Variants in PPFIA2 observed in about 807,000 individuals in gnomAD.
The protein encoded by PPFIA2 is PPFI scaffold protein A2.
PPFIA2 carries 46 observed loss-of-function variants against 175.5 expected under a neutral mutation model. That is an observed-to-expected ratio of 0.26 (90% CI 0.21 to 0.34). The LOEUF is 0.34. Among genes scored for constraint, PPFIA2 ranks in the 10% least tolerant of loss-of-function variants. PPFIA2 has a pLI of 1.00. For synonymous variants in PPFIA2, 568 were observed against 511.4 expected (o/e 1.11, Z -1.49); for missense variants, 1,179 against 1,506.1 (o/e 0.78, Z 3.60).
At chr12:81,461,490 T>C (rs2054533148) in intron 4 of PPFIA2, among the ~76,000 whole-genome samples, 1 of 152,120 alleles carries the variant, frequency 6.6e-6, no homozygotes, top group South Asian at 2.1e-4. Flanking sequence ...TGCTAGATGC[T>C]GAAGATATGA....
chr12:81,267,346 G>A lies in PPFIA2; in HGVS notation c.3487-326C>T, dbSNP rs1293901787. The stretch of plus-strand genomic sequence containing the variant: ...GTAAAAACAAAATAAAAAGTGAAAC[G>A]AGACTGCCAAATTTTTATTGAATCT... On this transcript the variant is annotated intron_variant, in intron 29 of 32. Coordinates refer to ENST00000549396, the MANE Select transcript of PPFIA2 (RefSeq NM_003625.5). The A allele has an allele frequency of 2.4e-4, 96 of 392,826 alleles. 2 individuals carry two copies. Among genetic ancestry groups the A allele is most frequent in the South Asian group, 1.8e-3 (96 of 52,694 alleles). 24.3% of individuals were successfully genotyped at this position (392,826 alleles called of 1,614,324 possible). A position where few individuals can be genotyped will look rare whatever the true frequency, so the allele number is the denominator to read the frequency against.
chr12:81,387,854 T>A (rs1361169419), intron 8 of PPFIA2, among the ~76,000 whole-genome samples: 1 of 152,112 alleles, frequency 6.6e-6, no homozygotes, highest in Non-Finnish European at 1.5e-5. Context: ...TACAGATAGT[T>A]GTGTACTGTA....
intron 4 of PPFIA2, among the ~76,000 whole-genome samples, chr12:81,521,819 C>CAA (rs958600445): frequency 3.5e-4 from 37 of 105,646 alleles, no homozygotes; most frequent in South Asian, 8.4e-4. Context: ...CTCCATCTCA[C>CAA]AAAAAAAAAA....
chr12:81,753,961 C>T lies in PPFIA2; in HGVS notation c.249+12G>A. On this transcript the variant is annotated intron_variant, in intron 3 of 32. Transcript: ENST00000549396. ...TTACAATAGGAGAAACAAAGGCTAC[C>T]AGGAAGCATACCTGTGGCAGGGCTG... The T allele has an allele frequency of 2.5e-6, 4 of 1,612,534 alleles. No homozygotes were observed. The highest frequency in any genetic ancestry group is 3.4e-6 in the Non-Finnish European group (4 of 1,178,902).
chr12:81,690,005 T>G (rs1038819369), intron 3 of PPFIA2, among the ~76,000 whole-genome samples: 9 of 152,142 alleles, frequency 5.9e-5, no homozygotes, highest in African/African-American at 1.9e-4. Flanking sequence ...CATGGCTCCA[T>G]GAAATCAGTT....
At chr12:81,266,558 T>A (rs2037315059) in intron 30 of PPFIA2, among the ~76,000 whole-genome samples, 1 of 152,182 alleles carries the variant, frequency 6.6e-6, no homozygotes, top group Admixed American at 6.5e-5. Context: ...CATTTTAATT[T>A]TCTAAAATTT....
intron 22 of PPFIA2, among the ~76,000 whole-genome samples, chr12:81,324,323 T>A (rs2054296684): frequency 6.6e-6 from 1 of 152,054 alleles, no homozygotes; most frequent in Non-Finnish European, 1.5e-5. Context: ...TTTAAAAAGA[T>A]ATTTCAGTTG....
rs1451578536 is a variant in PPFIA2, at chr12:81,759,282, G to T, written c.-113C>A. The T allele has an allele frequency of 6.6e-6, 1 of 151,368 alleles. No individual in the cohort carries two copies. Among genetic ancestry groups the T allele is most frequent in the African/African-American group, 2.4e-5 (1 of 41,112 alleles). The allele number at this position is 151,368 out of a possible 1,614,324, so 9.4% of individuals were successfully genotyped here. A position where few individuals can be genotyped will look rare whatever the true frequency, so the allele number is the denominator to read the frequency against. ...TTCAATTGGCCGGAAGAACCAACCT[G>T]CTGGCAGCCGGTGAGGACGCTACAG... On this transcript the variant is annotated splice_region_variant and 5_prime_UTR_variant, in exon 1 of 33. Transcript: ENST00000549396.
intron 4 of PPFIA2, among the ~76,000 whole-genome samples, chr12:81,593,396 C>G (rs2058897475): frequency 6.6e-6 from 1 of 151,952 alleles, no homozygotes; most frequent in African/African-American, 2.4e-5. Flanking sequence ...AGATACTATC[C>G]CTATTAATAA....
intron 4 of PPFIA2, among the ~76,000 whole-genome samples, chr12:81,558,324 C>T: frequency 6.6e-6 from 1 of 152,062 alleles, no homozygotes; most frequent in East Asian, 1.9e-4. Flanking sequence ...GGACGTAAGC[C>T]AGTACTTAGA....
chr12:81,452,980 C>A (rs914859956), intron 5 of PPFIA2, among the ~76,000 whole-genome samples: 2 of 149,826 alleles, frequency 1.3e-5, no homozygotes, highest in East Asian at 1.9e-4. Context: ...AAAACCATAA[C>A]GTTTTTCTTT....
At chr12:81,289,831 A>G (rs1433552412) in intron 24 of PPFIA2, among the ~76,000 whole-genome samples, 3 of 151,820 alleles carry the variant, frequency 2.0e-5, no homozygotes, top group African/African-American at 7.2e-5. Context: ...GAATGCACTT[A>G]TTTTTGTTAC....
At chr12:81,623,426 C>T (rs1408895805) in intron 4 of PPFIA2, among the ~76,000 whole-genome samples, 1 of 151,854 alleles carries the variant, frequency 6.6e-6, no homozygotes, top group Non-Finnish European at 1.5e-5. Flanking sequence ...ATTTTCATGA[C>T]CTAAAATGAT....
intron 4 of PPFIA2, among the ~76,000 whole-genome samples, chr12:81,664,039 C>A (rs1350087792): frequency 6.6e-6 from 1 of 152,110 alleles, no homozygotes; most frequent in Non-Finnish European, 1.5e-5. Flanking sequence ...AAAATAAATT[C>A]AACATGGATT....
chr12:81,703,484 C>T (rs1033523609), intron 3 of PPFIA2, among the ~76,000 whole-genome samples: 6 of 152,056 alleles, frequency 3.9e-5, no homozygotes, highest in African/African-American at 1.4e-4. Context: ...CTTTTCATCA[C>T]TACTGCTGCT....
intron 4 of PPFIA2, among the ~76,000 whole-genome samples, chr12:81,573,809 A>G (rs2073014502): frequency 6.6e-6 from 1 of 151,906 alleles, no homozygotes; most frequent in African/African-American, 2.4e-5. Context: ...TTATCTTTAA[A>G]ATATTTATTG....
At chr12:81,420,483 T>A (rs1009351369) in intron 7 of PPFIA2, among the ~76,000 whole-genome samples, 2 of 150,518 alleles carry the variant, frequency 1.3e-5, no homozygotes, top group African/African-American at 4.9e-5. Flanking sequence ...GAGGTAAAAA[T>A]CATAAAAAAG....
At chr12:81,665,389 C>G (rs1053912263) in intron 4 of PPFIA2, among the ~76,000 whole-genome samples, 4 of 151,996 alleles carry the variant, frequency 2.6e-5, no homozygotes, top group African/African-American at 7.3e-5. Flanking sequence ...ACATTTGTAA[C>G]ACGTAACACT....
At chr12:81,451,761 C>T (rs1467140737) in intron 5 of PPFIA2, among the ~76,000 whole-genome samples, 12 of 151,984 alleles carry the variant, frequency 7.9e-5, no homozygotes, top group Admixed American at 7.9e-4. Context: ...TAATGATAAA[C>T]ATCAATTATT....
Sources: gnomAD v4.1 joint callset for allele counts (sites outside exome capture counted in the v4.1 genomes callset) on GRCh38, gnomAD v4.1.1 for gene constraint, MANE v1.5 for transcripts, NCBI Gene and HGNC (gene_info 2026-07-23, HGNC 2026-07-21) for gene names.